Variants in ARHGAP15 observed in about 807,000 individuals in gnomAD.
ARHGAP15 encodes the protein rho GTPase-activating protein 15.
Under a neutral mutation model 63.7 loss-of-function variants are expected in ARHGAP15, and 51 were observed. The ratio of observed to expected loss-of-function variants is 0.80; its 90% CI spans 0.64 to 1.01. The LOEUF is 1.01. Ranked by LOEUF, ARHGAP15 falls within the 50% of genes least tolerant of loss-of-function variation. The pLI, the probability that ARHGAP15 is intolerant of heterozygous loss-of-function variation, is 0.00. For synonymous variants in ARHGAP15, 191 were observed against 193.8 expected (o/e 0.99, Z 0.12); for missense variants, 560 against 564.6 (o/e 0.99, Z 0.08).
intron 11 of ARHGAP15, among the ~76,000 whole-genome samples, chr2:143,599,564 A>G (rs1697680871): frequency 6.6e-6 from 1 of 152,140 alleles, no homozygotes; most frequent in Non-Finnish European, 1.5e-5. Context: ...AATTAATGGT[A>G]ACTAAAACAC....
At chr2:143,734,900 C>CCT (rs935131067) in intron 13 of ARHGAP15, among the ~76,000 whole-genome samples, 4 of 152,042 alleles carry the variant, frequency 2.6e-5, no homozygotes, top group African/African-American at 9.7e-5. Flanking sequence ...GGGGGGTATT[C>CCT]CTCCTGAATA....
At chr2:143,713,749 A>C (rs1684687406) in intron 13 of ARHGAP15, among the ~76,000 whole-genome samples, 1 of 152,198 alleles carries the variant, frequency 6.6e-6, no homozygotes, top group African/African-American at 2.4e-5. Context: ...GCAAGTCCAA[A>C]ATCCAGTGGG....
At chr2:143,211,294 AAGAC>A (rs1303517466) in intron 3 of ARHGAP15, among the ~76,000 whole-genome samples, 1 of 146,248 alleles carries the variant, frequency 6.8e-6, no homozygotes, top group Admixed American at 7.0e-5. Flanking sequence ...AGAAAAAAGA[AAGAC>A]AGATAAGGTA....
chr2:143,470,182 GTATTC>G (rs931252390), intron 8 of ARHGAP15, among the ~76,000 whole-genome samples: 1 of 150,792 alleles, frequency 6.6e-6, no homozygotes, highest in African/African-American at 2.4e-5. Flanking sequence ...TTATTTTAAT[GTATTC>G]TATTTTTCTT....
At chr2:143,162,052 A>G (rs1263645719) in intron 2 of ARHGAP15, 1 of 152,000 alleles carries the variant, frequency 6.6e-6, no homozygotes, top group Non-Finnish European at 1.5e-5. Context: ...ATAGTCTAAA[A>G]AATTCAGTTC....
intron 6 of ARHGAP15, among the ~76,000 whole-genome samples, chr2:143,339,133 TATTTA>T (rs1684940012): frequency 2.0e-5 from 3 of 152,156 alleles, no homozygotes; most frequent in Admixed American, 6.6e-5. Context: ...CAACTTCTAA[TATTTA>T]ATTAAAGAGC....
intron 10 of ARHGAP15, among the ~76,000 whole-genome samples, chr2:143,521,054 C>T (rs1694043083): frequency 6.6e-6 from 1 of 152,148 alleles, no homozygotes; most frequent in Non-Finnish European, 1.5e-5. Context: ...AATGTTTTTG[C>T]TGACTGGAGC....
At chr2:143,134,555 A>T (rs549690485) in intron 1 of ARHGAP15, among the ~76,000 whole-genome samples, 1 of 152,304 alleles carries the variant, frequency 6.6e-6, no homozygotes, top group Non-Finnish European at 1.5e-5. Flanking sequence ...GACTTTAGTG[A>T]CACTCAAGCC....
At chr2:143,745,148 C>T (rs759992727) in intron 13 of ARHGAP15, among the ~76,000 whole-genome samples, 23 of 152,200 alleles carry the variant, frequency 1.5e-4, no homozygotes, top group Admixed American at 1.0e-3. Flanking sequence ...CTCTCAAGTT[C>T]GCAGATTCCT....
At chr2:143,455,494 G>C (rs1475973802) in intron 8 of ARHGAP15, among the ~76,000 whole-genome samples, 1 of 151,944 alleles carries the variant, frequency 6.6e-6, no homozygotes, top group Non-Finnish European at 1.5e-5. Flanking sequence ...AGCCCCAGAG[G>C]TTTTATCCTT....
intron 8 of ARHGAP15, among the ~76,000 whole-genome samples, chr2:143,463,830 ACTAGG>A (rs1171833841): frequency 2.0e-5 from 3 of 152,214 alleles, no homozygotes; most frequent in African/African-American, 7.2e-5. Flanking sequence ...TGATTGAATG[ACTAGG>A]CTATATAGTT....
At chr2:143,383,708 A>G (rs968691831) in intron 6 of ARHGAP15, among the ~76,000 whole-genome samples, 3 of 152,190 alleles carry the variant, frequency 2.0e-5, no homozygotes, top group Non-Finnish European at 4.4e-5. Context: ...TGTTCAGTCA[A>G]AACCAGTAAT....
chr2:143,373,997 T>A (rs749838116), intron 6 of ARHGAP15, among the ~76,000 whole-genome samples: 2 of 152,184 alleles, frequency 1.3e-5, no homozygotes, highest in Non-Finnish European at 2.9e-5. Flanking sequence ...TTCAGAAATA[T>A]GTTAGCTCTT....
chr2:143,402,276 G>A (rs530911083), intron 6 of ARHGAP15, among the ~76,000 whole-genome samples: 9 of 151,768 alleles, frequency 5.9e-5, no homozygotes, highest in Admixed American at 1.3e-4. Flanking sequence ...TGCAGGATAC[G>A]TTTATTAAGC....
chr2:143,640,787 T>C (rs900741639), intron 12 of ARHGAP15: 1 of 152,152 alleles, frequency 6.6e-6, no homozygotes, highest in African/African-American at 2.4e-5. Context: ...TTGGTACTGA[T>C]ATGCTTATAA....
At chr2:143,504,438 T>C (rs1181231556) in intron 9 of ARHGAP15, among the ~76,000 whole-genome samples, 1 of 152,152 alleles carries the variant, frequency 6.6e-6, no homozygotes, top group Non-Finnish European at 1.5e-5. Context: ...CCCCAAAACT[T>C]GGCTCCACTA....
At chr2:143,274,288 T>C (rs1378719588) in intron 6 of ARHGAP15, among the ~76,000 whole-genome samples, 1 of 152,192 alleles carries the variant, frequency 6.6e-6, no homozygotes. Flanking sequence ...AAAGCTGTCT[T>C]TAATAACTAG....
At chr2:143,502,092 G>A (rs1358995322) in intron 9 of ARHGAP15, among the ~76,000 whole-genome samples, 2 of 152,136 alleles carry the variant, frequency 1.3e-5, no homozygotes, top group African/African-American at 2.4e-5. Flanking sequence ...GGGATCTGAG[G>A]AATTCTAGGA....
intron 10 of ARHGAP15, among the ~76,000 whole-genome samples, chr2:143,533,736 A>C (rs962513210): frequency 2.6e-5 from 4 of 152,180 alleles, no homozygotes; most frequent in African/African-American, 4.8e-5. Context: ...ACTGTAGCAC[A>C]CTTTGCTCTT....
Sources: allele counts gnomAD v4.1 joint callset (sites outside exome capture counted in the v4.1 genomes callset), GRCh38; gene constraint gnomAD v4.1.1; transcripts MANE v1.5; gene names NCBI Gene and HGNC (gene_info 2026-07-23, HGNC 2026-07-21).